Variants in FARP2 observed in about 807,000 individuals in gnomAD.
FARP2 encodes the protein FERM, ARH/RhoGEF and pleckstrin domain protein 2.
A neutral mutation model predicts 130.5 loss-of-function variants in FARP2; 111 were observed. The ratio of observed to expected loss-of-function variants is 0.85; its 90% CI spans 0.73 to 1.00. The LOEUF (loss-of-function observed/expected upper bound fraction) is 1.00. Among genes scored for constraint, FARP2 ranks in the 50% least tolerant of loss-of-function variants. FARP2 has a pLI of 0.00. For synonymous variants in FARP2, 504 were observed against 516.9 expected (o/e 0.98, Z 0.34); for missense variants, 1,385 against 1,346.3 (o/e 1.03, Z -0.45).
chr2:241,449,352 A>G (rs2150434240), intron 13 of FARP2, among the ~76,000 whole-genome samples: 1 of 152,262 alleles, frequency 6.6e-6, no homozygotes, highest in Non-Finnish European at 1.5e-5. Flanking sequence ...CAATTCATTC[A>G]TTGAGCCTCA....
At chr2:241,443,597 C>T (rs143109386) in intron 13 of FARP2, 1 of 152,440 alleles carries the variant, frequency 6.6e-6, no homozygotes, top group African/African-American at 2.4e-5. Flanking sequence ...GCTTCTCAGT[C>T]TAAACCACCA....
At chr2:241,467,915 T>C (rs890957243) in intron 17 of FARP2, among the ~76,000 whole-genome samples, 8 of 152,148 alleles carry the variant, frequency 5.3e-5, no homozygotes, top group African/African-American at 1.9e-4. Flanking sequence ...TAGTGGTGCA[T>C]GTAGCAGTGA....
chr2:241,390,958 G>A (rs2061890668), intron 2 of FARP2, among the ~76,000 whole-genome samples: 1 of 152,288 alleles, frequency 6.6e-6, no homozygotes, highest in Admixed American at 6.5e-5. Context: ...TCCCAGGCAG[G>A]CTTCCCTTCT....
rs1158308105 is a variant in FARP2, at chr2:241,402,869, TATATATATATA to T, written c.184-958_184-948del. Among the ~76,000 whole-genome samples, 77 of 16,500 alleles carry T rather than the reference TATATATATATA, an allele frequency of 4.7e-3. 3 individuals carry two copies. Among genetic ancestry groups the T allele is most frequent in the South Asian group, 0.01 (6 of 578 alleles). 10.8% of individuals were successfully genotyped at this position (16,500 alleles called of 152,430 possible). A position where few individuals can be genotyped will look rare whatever the true frequency, so the allele number is the denominator to read the frequency against. ...ATATATATATATATATATATATATA[TATATATATATA>T]TTTTTTTTTTTTTTTTTTTTTTTTT... On this transcript the variant is annotated intron_variant, in intron 2 of 26. Transcript: ENST00000264042.
At position 241,463,341 on chromosome 2, in the gene FARP2, C is replaced by T. The variant is rs377640265; in HGVS notation, c.1684C>T (p.Arg562Cys). ...KDLEVITVWF[R>C]SAVVKEDAMP... Reference sequence around the variant, plus strand: ...CACCACACTCTTCCCACAGTGGTTCCGCAGCGCAGTGGTGAAGGAGGACGC... The same window carrying T: ...CACCACACTCTTCCCACAGTGGTTCTGCAGCGCAGTGGTGAAGGAGGACGC... The change falls in exon 16 of 27, where the codon CGC becomes TGC. Residue 562 changes from arginine to cysteine, a missense_variant. Physicochemically the swap from Arg to Cys is radical, Grantham distance 180. Transcript: ENST00000264042. 2.4e-5 allele frequency: 39 copies of T among 1,613,828 alleles called. No homozygotes were observed. The highest frequency in any genetic ancestry group is 4.4e-5 in the South Asian group (4 of 91,066).
intron 1 of FARP2, among the ~76,000 whole-genome samples, chr2:241,359,886 A>G (rs930453777): frequency 2.6e-5 from 4 of 152,212 alleles, no homozygotes; most frequent in African/African-American, 9.7e-5. Flanking sequence ...ATGAGATGAC[A>G]TAAGCGAAGG....
chr2:241,429,494 C>T (rs1041405544), intron 8 of FARP2, among the ~76,000 whole-genome samples: 1 of 152,186 alleles, frequency 6.6e-6, no homozygotes, highest in Non-Finnish European at 1.5e-5. Flanking sequence ...AGTGATGATG[C>T]GTCCTGATTC....
At chr2:241,458,850 G>A (rs1385418440) in intron 14 of FARP2, among the ~76,000 whole-genome samples, 2 of 152,248 alleles carry the variant, frequency 1.3e-5, no homozygotes, top group South Asian at 2.1e-4. Context: ...AAGCCTGTGA[G>A]TCATGACGTG....
chr2:241,373,582 C>T (rs2061470706), intron 2 of FARP2, among the ~76,000 whole-genome samples: 1 of 152,220 alleles, frequency 6.6e-6, no homozygotes, highest in Non-Finnish European at 1.5e-5. Flanking sequence ...CCAGATGGTA[C>T]ACCCAGACCT....
intron 4 of FARP2, chr2:241,405,551 G>A (rs2062310967): frequency 6.6e-6 from 1 of 152,024 alleles, no homozygotes; most frequent in Non-Finnish European, 1.5e-5. Context: ...GGATCTCTGA[G>A]GAAAGAAAAA....
At position 241,484,295 on chromosome 2, in the gene FARP2, C is replaced by G; in HGVS notation, c.2385C>G (p.Phe795Leu). 1.9e-6 allele frequency: 3 copies of G among 1,614,170 alleles called. No homozygotes were observed. Among genetic ancestry groups the G allele is most frequent in the South Asian group, 2.2e-5 (2 of 91,070 alleles). ...AAGGAGTTGCAGGGACCAGCCACTT[C>G]CGGATCCGGGGCCTCCTTCCCCTCC... ...TSKGVAGTSH[F>L]RIRGLLPLQG... The change falls in exon 21 of 27, where the codon TTC (phenylalanine) becomes TTG (leucine). Residue 795 changes from phenylalanine (F) to leucine (L), a missense_variant. Coordinates refer to ENST00000264042, the MANE Select transcript of FARP2 (RefSeq NM_014808.4).
intron 13 of FARP2, chr2:241,442,428 C>T (rs553640077): frequency 2.2e-6 from 1 of 456,668 alleles, no homozygotes. Context: ...GCCTTTTCTT[C>T]AGCAACCCTT....
At position 241,391,073 on chromosome 2, in the gene FARP2, C is replaced by T. The variant is rs192924000; in HGVS notation, c.184-12755C>T. Among the ~76,000 whole-genome samples the T allele has an allele frequency of 2.9e-3, 443 of 152,260 alleles. 1 individual carries two copies. Among genetic ancestry groups the T allele is most frequent in the African/African-American group, 0.01 (429 of 41,542 alleles). On this transcript the variant is annotated intron_variant, in intron 2 of 26. Transcript: ENST00000264042. ...GACACGTTTCCTTTTTGTGAGTTTT[C>T]ACAAGTACGCACAAGTAAGGACAGG...
At chr2:241,403,990 G>T (rs537276473) in intron 3 of FARP2, 58 bp downstream of exon 3, 4 of 866,610 alleles carry the variant, frequency 4.6e-6, no homozygotes, top group Non-Finnish European at 7.8e-6. Flanking sequence ...GATGACAGCC[G>T]CAAGATCTTT....
chr2:241,361,351 C>T (rs2061182175), intron 1 of FARP2, among the ~76,000 whole-genome samples: 1 of 152,120 alleles, frequency 6.6e-6, no homozygotes, highest in Admixed American at 6.6e-5. Flanking sequence ...TGGTAATCAC[C>T]TAGGTTTGCA....
At chr2:241,388,587 T>C (rs540210056) in intron 2 of FARP2, among the ~76,000 whole-genome samples, 54 of 152,344 alleles carry the variant, frequency 3.5e-4, no homozygotes, top group African/African-American at 1.2e-3. Context: ...GCAAAAGATA[T>C]ATCTGATAAG....
chr2:241,439,076 C>T (rs2150411489), intron 12 of FARP2, among the ~76,000 whole-genome samples: 1 of 152,002 alleles, frequency 6.6e-6, no homozygotes, highest in Admixed American at 6.6e-5. Context: ...ATCTCGGCTG[C>T]ATGATCACAG....
chr2:241,390,222 A>G (rs937280919), intron 2 of FARP2, among the ~76,000 whole-genome samples: 15 of 152,210 alleles, frequency 9.9e-5, no homozygotes, highest in African/African-American at 3.6e-4. Flanking sequence ...CAGTTTTGTG[A>G]TGCAGGATTT....
chr2:241,493,448 A>G lies in FARP2; in HGVS notation c.3047+4A>G. 1 of 1,613,586 alleles carries G rather than the reference A, an allele frequency of 6.2e-7. No homozygotes were observed. The highest frequency in any genetic ancestry group is 1.3e-5 in the African/African-American group (1 of 75,010). On this transcript the variant is annotated splice_donor_region_variant and intron_variant, in intron 26 of 26. Coordinates refer to ENST00000264042, the MANE Select transcript of FARP2 (RefSeq NM_014808.4). ...AGAGCAAGTACACATTTGAAAGGTA[A>G]TTTTGCAGGAGGCAGCCCTGGTCAG...
Sources: gnomAD v4.1 joint callset for allele counts (sites outside exome capture counted in the v4.1 genomes callset) on GRCh38, gnomAD v4.1.1 for gene constraint, MANE v1.5 for transcripts, NCBI Gene and HGNC (gene_info 2026-07-23, HGNC 2026-07-21) for gene names.